Variants in FAAH2 observed in about 807,000 individuals in gnomAD.
The protein encoded by FAAH2 is fatty-acid amide hydrolase 2.
In FAAH2, 60 loss-of-function variants were observed where a neutral mutation model predicts 36.9. The ratio of observed to expected loss-of-function variants is 1.63; its 90% CI spans 1.32 to 2.02. FAAH2 has a LOEUF of 2.02. FAAH2 is among the 30% of genes most tolerant of loss of function. FAAH2 has a pLI of 0.00. For missense variants in FAAH2, 689 were observed against 397.5 expected (o/e 1.73, Z -6.23); for synonymous variants, 214 against 143.8 (o/e 1.49, Z -3.49).
the FAAH2 span, chrX:57,127,141 G>A: frequency 1.8e-5 from 2 of 110,846 alleles, no homozygotes; most frequent in East Asian, 2.8e-4. Flanking sequence ...ATGGCTTAGC[G>A]TTCCCAGACT....
At chrX:57,475,586 G>T (rs1393191605) in intron 10 of FAAH2, among the ~76,000 whole-genome samples, 1 of 111,509 alleles carries the variant, frequency 9.0e-6, no homozygotes, top group Non-Finnish European at 1.9e-5. Flanking sequence ...TGCTGTTTTG[G>T]TTACTGTACC....
intron 7 of FAAH2, 115 bp downstream of exon 7, chrX:57,381,144 T>G: frequency 2.0e-6 from 1 of 507,238 alleles, no homozygotes; most frequent in East Asian, 4.0e-5. Context: ...AATTAAGGTT[T>G]TCAGAACAGT....
intron 2 of FAAH2, among the ~76,000 whole-genome samples, chrX:57,308,508 G>T (rs747701636): frequency 2.9e-4 from 32 of 111,344 alleles, no homozygotes; most frequent in Non-Finnish European, 4.9e-4. Flanking sequence ...AATTGTTGAA[G>T]TTCCTTATAG....
intron 10 of FAAH2, among the ~76,000 whole-genome samples, chrX:57,484,965 T>C (rs1248365572): frequency 9.0e-6 from 1 of 111,454 alleles, no homozygotes; most frequent in African/African-American, 3.3e-5. Flanking sequence ...CTCAGGCAGG[T>C]CAGGCAGACC....
At chrX:57,232,175 G>C in the FAAH2 span, among the ~76,000 whole-genome samples, 2 of 112,098 alleles carry the variant, frequency 1.8e-5, no homozygotes, top group Non-Finnish European at 3.8e-5. Context: ...AAGACTGACA[G>C]TCTGAATCAC....
intron 8 of FAAH2, among the ~76,000 whole-genome samples, chrX:57,440,948 A>C (rs1260335908): frequency 5.4e-5 from 6 of 111,750 alleles, no homozygotes; most frequent in Non-Finnish European, 1.1e-4. Context: ...CCGAGGGATG[A>C]AGCCCACTTG....
At chrX:57,289,965 G>A (rs753461754) in intron 1 of FAAH2, among the ~76,000 whole-genome samples, 1 of 110,904 alleles carries the variant, frequency 9.0e-6, no homozygotes, top group African/African-American at 3.3e-5. Context: ...TTTCTCTTAC[G>A]ACAGCAAGGT....
chrX:57,151,550 A>G, the FAAH2 span, among the ~76,000 whole-genome samples: 1 of 111,762 alleles, frequency 8.9e-6, no homozygotes, highest in Non-Finnish European at 1.9e-5. Flanking sequence ...CAGTGATCGC[A>G]TCGGCTCCTG....
At chrX:57,207,256 AGTTATAATTG>A in the FAAH2 span, among the ~76,000 whole-genome samples, 2 of 111,247 alleles carry the variant, frequency 1.8e-5, no homozygotes, top group African/African-American at 6.5e-5. Flanking sequence ...TAGGTACAGA[AGTTATAATTG>A]GTTGAATAGT....
chrX:57,324,447 T>G (rs11091642), intron 3 of FAAH2, among the ~76,000 whole-genome samples: 5 of 111,145 alleles, frequency 4.5e-5, no homozygotes, highest in African/African-American at 1.6e-4. Flanking sequence ...GCCATTTTCA[T>G]GATATTGATT....
the FAAH2 span, among the ~76,000 whole-genome samples, chrX:57,238,616 C>A: frequency 9.0e-6 from 1 of 111,406 alleles, no homozygotes; most frequent in African/African-American, 3.3e-5. Flanking sequence ...GCACAGGTAC[C>A]CCTGAACGTA....
chrX:57,346,841 G>A (rs1362136005), intron 5 of FAAH2, among the ~76,000 whole-genome samples: 1 of 111,441 alleles, frequency 9.0e-6, no homozygotes, highest in Non-Finnish European at 1.9e-5. Flanking sequence ...GCCAGGACAT[G>A]AAATCCTTAG....
intron 8 of FAAH2, among the ~76,000 whole-genome samples, chrX:57,432,764 A>G (rs1188627788): frequency 9.0e-6 from 1 of 111,593 alleles, no homozygotes; most frequent in African/African-American, 3.2e-5. Context: ...AGAGCATGAC[A>G]CATCCAAATT....
At chrX:57,216,537 TATATAC>T in the FAAH2 span, among the ~76,000 whole-genome samples, 451 of 45,337 alleles carry the variant, frequency 9.9e-3, 11 homozygotes, top group Non-Finnish European at 9.8e-3. Context: ...TATATATATA[TATATAC>T]GTATATGTAT....
At chrX:57,266,617 C>A in the FAAH2 span, among the ~76,000 whole-genome samples, 10 of 112,474 alleles carry the variant, frequency 8.9e-5, no homozygotes, top group African/African-American at 3.2e-4. Context: ...GTAGTTGACC[C>A]AAGGAGAGTA....
At chrX:57,375,888 A>T (rs930100261) in intron 5 of FAAH2, among the ~76,000 whole-genome samples, 9 of 111,858 alleles carry the variant, frequency 8.0e-5, no homozygotes, top group Non-Finnish European at 1.3e-4. Flanking sequence ...TTTTTAATCC[A>T]TTAGAAACAG....
At chrX:57,418,137 C>G in intron 7 of FAAH2, among the ~76,000 whole-genome samples, 1 of 112,063 alleles carries the variant, frequency 8.9e-6, no homozygotes, top group Non-Finnish European at 1.9e-5. Context: ...GTGAGAATTT[C>G]AAGCCAGTGG....
chrX:57,271,427 A>C, the FAAH2 span, among the ~76,000 whole-genome samples: 1 of 111,278 alleles, frequency 9.0e-6, no homozygotes, highest in Non-Finnish European at 1.9e-5. Context: ...AGGGTCAGAC[A>C]GCCTCCACAA....
At chrX:57,427,104 G>T (rs1423167017) in intron 7 of FAAH2, among the ~76,000 whole-genome samples, 1 of 110,860 alleles carries the variant, frequency 9.0e-6, no homozygotes, top group African/African-American at 3.3e-5. Flanking sequence ...AGAGTAGCAT[G>T]AACAACTCTA....
Sources: gnomAD v4.1 joint callset for allele counts (sites outside exome capture counted in the v4.1 genomes callset) on GRCh38, gnomAD v4.1.1 for gene constraint, MANE v1.5 for transcripts, NCBI Gene and HGNC (gene_info 2026-07-23, HGNC 2026-07-21) for gene names.